The following ZFHX3 variants were observed in gnomAD, a reference collection of about 807,000 sequenced individuals.
ZFHX3 encodes zinc finger homeobox protein 3.
ZFHX3 carries 42 observed loss-of-function variants against 279.1 expected under a neutral mutation model. The ratio of observed to expected loss-of-function variants is 0.15; its 90% CI spans 0.12 to 0.19. The LOEUF is 0.19. Among genes scored for constraint, ZFHX3 ranks in the 10% least tolerant of loss-of-function variants. The pLI, the probability that ZFHX3 is intolerant of heterozygous loss-of-function variation, is 1.00. For synonymous variants in ZFHX3, 2,293 were observed against 1,957.8 expected (o/e 1.17, Z -4.52); for missense variants, 4,981 against 4,754.0 (o/e 1.05, Z -1.40).
At chr16:73,219,655 C>T (rs181931569) in intron 5 of ZFHX3, among the ~76,000 whole-genome samples, 1 of 152,284 alleles carries the variant, frequency 6.6e-6, no homozygotes, top group Admixed American at 6.5e-5. Context: ...AAAGGATTGG[C>T]CTACAGGCAG....
At chr16:73,064,453 T>G (rs1288577425), upstream of ZFHX3, among the ~76,000 whole-genome samples, 5 of 151,312 alleles carry the variant, frequency 3.3e-5, no homozygotes, top group African/African-American at 1.2e-4. Context: ...CAAACCAAAT[T>G]GGCCGCTCAA....
chr16:73,716,645 ACACACG>A (rs1370776878), intron 1 of ZFHX3, among the ~76,000 whole-genome samples: 1 of 46,472 alleles, frequency 2.2e-5, no homozygotes, highest in Non-Finnish European at 5.4e-5. Flanking sequence ...ACACACACAC[ACACACG>A]CATGCACGCA....
At chr16:73,771,224 C>T (rs977729006) in intron 1 of ZFHX3, among the ~76,000 whole-genome samples, 1 of 152,096 alleles carries the variant, frequency 6.6e-6, no homozygotes. Flanking sequence ...TTACCACAGC[C>T]CTGCTTTGTC....
chr16:72,916,701 C>A (rs941117167), intron 3 of ZFHX3, among the ~76,000 whole-genome samples: 11 of 152,138 alleles, frequency 7.2e-5, no homozygotes, highest in Admixed American at 2.0e-4. Context: ...CAAATGAGAA[C>A]TTCATGTATG....
intron 1 of ZFHX3, among the ~76,000 whole-genome samples, chr16:73,884,863 T>C (rs1240859791): frequency 2.0e-5 from 3 of 152,192 alleles, no homozygotes; most frequent in Non-Finnish European, 4.4e-5. Context: ...ATTGTCCTCT[T>C]CCCAGAATTA....
chr16:73,782,271 A>G (rs744349), intron 1 of ZFHX3, among the ~76,000 whole-genome samples: 6,881 of 152,288 alleles, frequency 0.045, 502 homozygotes, highest in African/African-American at 0.15. Context: ...GTGCTGATAC[A>G]TTAGGTAGTG....
rs1491569547 is a variant in ZFHX3 at position 73,718,624 on chromosome 16, TTA to T, written c.-1607-38386_-1607-38385del. ...ATTTATTTATTTATTATTTATTTAT[TTA>T]TTTTTTTAAGACAGAGTCTCGCTCT... On this transcript the variant is annotated intron_variant, in intron 1 of 17. Transcript: ENST00000641206. Among the ~76,000 whole-genome samples, 480 of 149,888 alleles carry T rather than the reference TTA, an allele frequency of 3.2e-3. 3 individuals carry two copies. Among genetic ancestry groups the T allele is most frequent in the South Asian group, 4.7e-3 (22 of 4,720 alleles).
chr16:73,734,005 G>C (rs1350096288), intron 1 of ZFHX3, among the ~76,000 whole-genome samples: 1 of 152,132 alleles, frequency 6.6e-6, no homozygotes, highest in Non-Finnish European at 1.5e-5. Flanking sequence ...GTGGGGGAAG[G>C]TTTCGGTATG....
intron 1 of ZFHX3, among the ~76,000 whole-genome samples, chr16:73,012,977 T>G (rs111660056): frequency 6.6e-6 from 1 of 152,218 alleles, no homozygotes; most frequent in Non-Finnish European, 1.5e-5. Context: ...CTCCATCCTA[T>G]GCACACACTT....
At chr16:73,018,378 G>A (rs1012705242) in intron 1 of ZFHX3, among the ~76,000 whole-genome samples, 4 of 152,098 alleles carry the variant, frequency 2.6e-5, no homozygotes, top group African/African-American at 4.8e-5. Flanking sequence ...GAGGCTGAAC[G>A]GGGTAGATCA....
chr16:73,145,561 G>T (rs1348866131), intron 5 of ZFHX3, among the ~76,000 whole-genome samples: 1 of 152,242 alleles, frequency 6.6e-6, no homozygotes, highest in Non-Finnish European at 1.5e-5. Context: ...CAGTTCTGTG[G>T]TTGGTCCCTA....
chr16:73,273,428 C>T (rs1304263776), intron 4 of ZFHX3, among the ~76,000 whole-genome samples: 1 of 152,172 alleles, frequency 6.6e-6, no homozygotes, highest in Non-Finnish European at 1.5e-5. Context: ...TCTGACTCCG[C>T]TCAGTAGGCC....
At chr16:73,492,392 G>A (rs970843596) in intron 2 of ZFHX3, among the ~76,000 whole-genome samples, 7 of 152,206 alleles carry the variant, frequency 4.6e-5, no homozygotes, top group Middle Eastern at 3.4e-3. Context: ...TGGAATCCAC[G>A]TAAAATAATA....
intron 5 of ZFHX3, among the ~76,000 whole-genome samples, chr16:73,164,192 G>A (rs1030714472): frequency 6.6e-6 from 1 of 152,178 alleles, no homozygotes; most frequent in Non-Finnish European, 1.5e-5. Flanking sequence ...TCCATTTCCT[G>A]AATCTCTCTG....
intron 8 of ZFHX3, among the ~76,000 whole-genome samples, chr16:73,066,834 C>T (rs1965761560): frequency 6.6e-6 from 1 of 152,206 alleles, no homozygotes; most frequent in Non-Finnish European, 1.5e-5. Flanking sequence ...TCTCGCCGGG[C>T]TGCCTAGTCT....
chr16:73,754,290 C>T (rs1184289570), intron 1 of ZFHX3, among the ~76,000 whole-genome samples: 1 of 152,084 alleles, frequency 6.6e-6, no homozygotes, highest in Non-Finnish European at 1.5e-5. Context: ...TAGACCTATC[C>T]AAATATGGTC....
intron 2 of ZFHX3, among the ~76,000 whole-genome samples, chr16:73,472,189 T>G (rs1032551099): frequency 1.1e-4 from 16 of 151,258 alleles, no homozygotes; most frequent in African/African-American, 3.9e-4. Context: ...CCAGGGAGAA[T>G]TATCAAAAGC....
At chr16:73,321,083 C>G (rs1473754452) in intron 3 of ZFHX3, among the ~76,000 whole-genome samples, 1 of 152,228 alleles carries the variant, frequency 6.6e-6, no homozygotes, top group Non-Finnish European at 1.5e-5. Flanking sequence ...GCTCTAAGAC[C>G]TGCAGAAGGA....
At chr16:72,855,324 C>A (rs550237557) in intron 4 of ZFHX3, among the ~76,000 whole-genome samples, 1 of 152,282 alleles carries the variant, frequency 6.6e-6, no homozygotes, top group Non-Finnish European at 1.5e-5. Context: ...CGCGTGCACG[C>A]GTGTGAAACA....
Sources: allele counts gnomAD v4.1 joint callset (sites outside exome capture counted in the v4.1 genomes callset), GRCh38; gene constraint gnomAD v4.1.1; transcripts MANE v1.5; gene names NCBI Gene and HGNC (gene_info 2026-07-23, HGNC 2026-07-21).